The following ABI2 variants were observed in gnomAD, a reference collection of about 807,000 sequenced individuals.
ABI2 encodes abelson interactor 2.
ABI2 carries 25 observed loss-of-function variants against 59.2 expected under a neutral mutation model. The ratio of observed to expected loss-of-function variants is 0.42; its 90% CI spans 0.31 to 0.59. The LOEUF is 0.59. Ranked by LOEUF, ABI2 falls within the 20% of genes least tolerant of loss-of-function variation. The probability of loss-of-function intolerance (pLI) is 0.14; values close to 1 mark genes in which losing one functional copy is unlikely to be tolerated. For missense variants in ABI2, 545 were observed against 681.8 expected, an observed-to-expected ratio of 0.80 and a Z score of 2.23; for synonymous variants, 213 against 235.5, an observed-to-expected ratio of 0.90 and a Z score of 0.87.
At chr2:203,328,745 G>T (rs1475096331) in intron 1 of ABI2, 114 bp downstream of exon 1, 2 of 555,372 alleles carry the variant, frequency 3.6e-6, no homozygotes, top group East Asian at 7.2e-5. Flanking sequence ...GCCCCCGATG[G>T]GGGTGGGGAG....
chr2:203,403,932 T>G (rs1305551882), intron 9 of ABI2, among the ~76,000 whole-genome samples: 1 of 151,724 alleles, frequency 6.6e-6, no homozygotes, highest in African/African-American at 2.4e-5. Context: ...TTGTATTTTA[T>G]TGTAGAGACA....
chr2:203,329,782 G>A (rs2071678151), intron 1 of ABI2, among the ~76,000 whole-genome samples: 2 of 151,674 alleles, frequency 1.3e-5, no homozygotes, highest in East Asian at 3.9e-4. Context: ...TGTAGTCCAG[G>A]TTGGAGTGCA....
intron 2 of ABI2, among the ~76,000 whole-genome samples, chr2:203,368,698 T>C (rs1191658758): frequency 1.3e-5 from 2 of 152,138 alleles, no homozygotes; most frequent in African/African-American, 4.8e-5. Flanking sequence ...TTGCTTGTTA[T>C]ATTGTGTATC....
intron 1 of ABI2, among the ~76,000 whole-genome samples, chr2:203,331,023 T>C (rs1228205737): frequency 1.3e-5 from 2 of 152,218 alleles, no homozygotes; most frequent in Non-Finnish European, 2.9e-5. Flanking sequence ...AAATATTGAT[T>C]AATATTAATT....
intron 4 of ABI2, among the ~76,000 whole-genome samples, chr2:203,388,144 G>T (rs1457455335): frequency 6.6e-6 from 1 of 151,864 alleles, no homozygotes; most frequent in Non-Finnish European, 1.5e-5. Context: ...ATTCTGCATA[G>T]CATATTTATT....
rs1489531761 is a variant in ABI2, at chr2:203,385,437, TTAA to T, written c.480+3236_480+3238del. ...TGAGCCACCGTGCCCGGCCAGATTC[TTAA>T]TAATTAATGAGCAGGGCTTAAGAGT... On this transcript the variant is annotated intron_variant, in intron 4 of 11. Transcript: ENST00000261018. Among the ~76,000 whole-genome samples, 73 of 152,280 alleles carry T rather than the reference TTAA, an allele frequency of 4.8e-4. 2 individuals are homozygous for T. Among genetic ancestry groups the T allele is most frequent in the Non-Finnish European group, 4.9e-4 (33 of 68,022 alleles).
intron 9 of ABI2, among the ~76,000 whole-genome samples, chr2:203,403,113 G>A (rs577583966): frequency 7.9e-5 from 12 of 152,168 alleles, no homozygotes; most frequent in Non-Finnish European, 1.5e-4. Flanking sequence ...AGTGGCAAAG[G>A]AAAAGAGAAC....
At chr2:203,423,551 G>A (rs1015653314) in intron 11 of ABI2, among the ~76,000 whole-genome samples, 3 of 152,192 alleles carry the variant, frequency 2.0e-5, no homozygotes, top group East Asian at 1.9e-4. Flanking sequence ...TCAGCCCCAC[G>A]AGTAGCTGGG....
rs1390648185 is a variant in ABI2 at position 203,429,338 on chromosome 2, C to A, written c.*1986C>A. The A allele has an allele frequency of 6.6e-6, 1 of 152,194 alleles. No homozygotes were observed. The highest frequency in any genetic ancestry group is 1.9e-4 in the East Asian group (1 of 5,192). The allele number at this position is 152,194 out of a possible 1,614,324, so 9.4% of individuals were successfully genotyped here. A position where few individuals can be genotyped will look rare whatever the true frequency, so the allele number is the denominator to read the frequency against. On this transcript the variant is annotated 3_prime_UTR_variant, in exon 12 of 12. Transcript: ENST00000261018. ...CTATACTTGGATAAGTTAAGCTCTT[C>A]TTCGTGTACTGGTCTATAATTAGAA...
intron 8 of ABI2, among the ~76,000 whole-genome samples, chr2:203,400,665 A>G (rs1230637592): frequency 6.6e-6 from 1 of 152,228 alleles, no homozygotes. Flanking sequence ...TTTAAATGTT[A>G]TAACAAGCCT....
rs1276856218 is a variant in ABI2 at position 203,430,890 on chromosome 2, G to A, written c.*3538G>A. ...TCTCTTTGGGAGGCATCAAAATGAT[G>A]GTAGTTTGCTTTTATCTTTTTATGT... On this transcript the variant is annotated 3_prime_UTR_variant, in exon 12 of 12. Coordinates refer to ENST00000261018, the MANE Select transcript of ABI2 (RefSeq NM_001375670.1). The A allele has an allele frequency of 6.6e-6, 1 of 152,162 alleles. No individual in the cohort carries two copies. The highest frequency in any genetic ancestry group is 2.4e-5 in the African/African-American group (1 of 41,430). 9.4% of individuals were successfully genotyped at this position (152,162 alleles called of 1,614,324 possible). A position where few individuals can be genotyped will look rare whatever the true frequency, so the allele number is the denominator to read the frequency against.
intron 1 of ABI2, among the ~76,000 whole-genome samples, chr2:203,363,412 C>T (rs926916724): frequency 2.6e-5 from 4 of 151,938 alleles, no homozygotes; most frequent in African/African-American, 9.7e-5. Flanking sequence ...TTCTATTTTT[C>T]GTATCCATTA....
At chr2:203,412,021 A>C (rs2153515229) in intron 10 of ABI2, among the ~76,000 whole-genome samples, 1 of 152,340 alleles carries the variant, frequency 6.6e-6, no homozygotes, top group East Asian at 1.9e-4. Context: ...TCTTATGGGC[A>C]GTCTTTGCGA....
intron 1 of ABI2, among the ~76,000 whole-genome samples, chr2:203,364,590 G>A (rs1041551888): frequency 3.3e-5 from 5 of 152,090 alleles, no homozygotes; most frequent in East Asian, 1.9e-4. Context: ...ACTTTTTGAC[G>A]AGCATGCAAA....
chr2:203,380,341 C>T lies in ABI2; in HGVS notation c.419C>T (p.Pro140Leu), dbSNP rs1279094325. 2 of 1,595,908 alleles carry T rather than the reference C, an allele frequency of 1.3e-6. No individual in the cohort carries two copies. The highest frequency in any genetic ancestry group is 1.7e-6 in the Non-Finnish European group (2 of 1,173,374). Residue 140 changes from proline (P) to leucine (L), a missense_variant, in exon 3 of 12, where the codon CCT becomes CTT. Transcript: ENST00000261018. ...CGACCAGTTCGTTATATTAGAAAAC[C>T]TATTGACTATACAATTCTAGATGAT... The part of the protein sequence containing the change: ...LERPVRYIRK[P>L]IDYTILDDIG...
rs769025104 is a variant in ABI2 at position 203,328,487 on chromosome 2, TGAGGAGGAG to T, written c.-16_-8del. ...GCCGCCGCTCCCTCTGCGACCTGTATGAGGAGGAGGAGGAGGAGGATGTGAAGATGGCGG... is the reference window on the plus strand; with the variant it reads ...GCCGCCGCTCCCTCTGCGACCTGTATGAGGAGGAGGATGTGAAGATGGCGG... On this transcript the variant is annotated 5_prime_UTR_variant, in exon 1 of 12. In the 5' UTR this introduces an upstream ATG that the reference lacks. Coordinates refer to ENST00000261018, the MANE Select transcript of ABI2 (RefSeq NM_001375670.1). The T allele has an allele frequency of 3.3e-6, 5 of 1,515,008 alleles. No homozygotes were observed. The highest frequency in any genetic ancestry group is 1.7e-4 in the Middle Eastern group (1 of 5,752). 93.8% of individuals were successfully genotyped at this position (1,515,008 alleles called of 1,614,324 possible).
chr2:203,365,461 AT>A (rs2094282237), intron 1 of ABI2, among the ~76,000 whole-genome samples: 2 of 152,204 alleles, frequency 1.3e-5, no homozygotes, highest in African/African-American at 4.8e-5. Context: ...TTATTGTATA[AT>A]TTAAAGCTAC....
intron 11 of ABI2, among the ~76,000 whole-genome samples, chr2:203,426,150 A>G (rs2098420288): frequency 6.6e-6 from 1 of 152,218 alleles, no homozygotes; most frequent in Admixed American, 6.5e-5. Flanking sequence ...ACATTATATC[A>G]GAAGTCCCTG....
intron 2 of ABI2, among the ~76,000 whole-genome samples, chr2:203,368,172 G>A (rs961939154): frequency 2.0e-5 from 3 of 152,176 alleles, no homozygotes; most frequent in Admixed American, 6.5e-5. Flanking sequence ...GCGTGTATAT[G>A]TTGTACCTTT....
Sources: allele counts gnomAD v4.1 joint callset (sites outside exome capture counted in the v4.1 genomes callset), GRCh38; gene constraint gnomAD v4.1.1; transcripts MANE v1.5; gene names NCBI Gene and HGNC (gene_info 2026-07-23, HGNC 2026-07-21).